Variants in BRINP3 observed in about 807,000 individuals in gnomAD.
BRINP3 encodes BMP/retinoic acid-inducible neural-specific protein 3.
In BRINP3, 19 loss-of-function variants were observed where a neutral mutation model predicts 71.0. The ratio of observed to expected loss-of-function variants is 0.27; its 90% CI spans 0.19 to 0.39. The LOEUF is 0.39. Ranked by LOEUF, BRINP3 falls within the 10% of genes least tolerant of loss-of-function variation. The pLI is 1.00. For synonymous variants in BRINP3, 380 were observed against 337.7 expected (o/e 1.13, Z -1.37); for missense variants, 959 against 940.8 (o/e 1.02, Z -0.25).
chr1:190,408,370 G>A (rs1026126556), intron 2 of BRINP3, among the ~76,000 whole-genome samples: 3 of 151,822 alleles, frequency 2.0e-5, no homozygotes, highest in African/African-American at 7.3e-5. Context: ...TAAATAAAAT[G>A]GTCTTGTTTC....
At chr1:190,430,718 T>C (rs956134528) in intron 2 of BRINP3, among the ~76,000 whole-genome samples, 1 of 152,194 alleles carries the variant, frequency 6.6e-6, no homozygotes, top group African/African-American at 2.4e-5. Context: ...GATCATCAGA[T>C]TCAAAAGCAG....
chr1:190,140,749 C>T (rs780158935), intron 7 of BRINP3, among the ~76,000 whole-genome samples: 7 of 152,010 alleles, frequency 4.6e-5, no homozygotes, highest in Admixed American at 3.3e-4. Flanking sequence ...TCAAGGATAC[C>T]AAAATTAGCA....
At chr1:190,332,117 C>T (rs1382789118) in intron 2 of BRINP3, among the ~76,000 whole-genome samples, 1 of 151,902 alleles carries the variant, frequency 6.6e-6, no homozygotes, top group Non-Finnish European at 1.5e-5. Flanking sequence ...TTATATATGC[C>T]TATTTTGTTC....
At chr1:190,388,403 G>A (rs552637897) in intron 2 of BRINP3, among the ~76,000 whole-genome samples, 1 of 151,788 alleles carries the variant, frequency 6.6e-6, no homozygotes, top group East Asian at 1.9e-4. Flanking sequence ...TAGAACAAAG[G>A]TCACACTGAA....
intron 2 of BRINP3, among the ~76,000 whole-genome samples, chr1:190,293,279 A>G (rs951859744): frequency 3.3e-5 from 5 of 152,026 alleles, no homozygotes; most frequent in East Asian, 3.9e-4. Context: ...TTATCAATAC[A>G]TAAGTCATTC....
In BRINP3 at chr1:190,476,830, G is replaced by A. The variant is rs937722857; in HGVS notation, c.-51+618C>T. Among the ~76,000 whole-genome samples the A allele has an allele frequency of 4.6e-5, 7 of 151,878 alleles. No homozygotes were observed. In the East Asian group the frequency reaches 9.7e-4, roughly 21 times the overall value. On this transcript the variant is annotated intron_variant, in intron 1 of 7. Coordinates refer to ENST00000367462, the MANE Select transcript of BRINP3 (RefSeq NM_199051.3). ...ATTAAAATACAATGCCTAAAATAAC[G>A]TGCTTATGTGTGATTTGAAATATTT...
intron 6 of BRINP3, among the ~76,000 whole-genome samples, chr1:190,168,791 A>G (rs1651773797): frequency 6.6e-6 from 1 of 152,216 alleles, no homozygotes; most frequent in African/African-American, 2.4e-5. Context: ...AAGCTTCAAC[A>G]TAGAGTCATT....
chr1:190,477,154 G>A (rs1222273303), intron 1 of BRINP3, among the ~76,000 whole-genome samples: 5 of 152,022 alleles, frequency 3.3e-5, no homozygotes, highest in Non-Finnish European at 7.4e-5. Flanking sequence ...GGGTTAATGG[G>A]GGTGGGGGCG....
intron 2 of BRINP3, among the ~76,000 whole-genome samples, chr1:190,398,510 A>G (rs931044803): frequency 3.3e-5 from 5 of 151,964 alleles, no homozygotes; most frequent in African/African-American, 1.2e-4. Flanking sequence ...TACGCATTCT[A>G]TAGGTCTGTA....
intron 2 of BRINP3, among the ~76,000 whole-genome samples, chr1:190,294,106 T>G (rs1223519794): frequency 1.3e-5 from 2 of 152,166 alleles, no homozygotes; most frequent in Non-Finnish European, 2.9e-5. Flanking sequence ...CTCTCTTCAC[T>G]TCTTACTGTT....
chr1:190,273,685 A>C (rs1390063365), intron 3 of BRINP3, among the ~76,000 whole-genome samples: 1 of 151,564 alleles, frequency 6.6e-6, no homozygotes, highest in Non-Finnish European at 1.5e-5. Flanking sequence ...CTGATCTTTA[A>C]ATCATCTATG....
At chr1:190,460,201 A>G (rs1348530446) in intron 1 of BRINP3, among the ~76,000 whole-genome samples, 1 of 151,378 alleles carries the variant, frequency 6.6e-6, no homozygotes, top group Non-Finnish European at 1.5e-5. Flanking sequence ...TTCAAATAAT[A>G]CGATACATAT....
intron 7 of BRINP3, among the ~76,000 whole-genome samples, chr1:190,105,424 T>C (rs1652066951): frequency 6.6e-6 from 1 of 151,952 alleles, no homozygotes; most frequent in South Asian, 2.1e-4. Context: ...TTAAAGATAA[T>C]ATTAGCTGAT....
chr1:190,392,404 C>T (rs913900899), intron 2 of BRINP3, among the ~76,000 whole-genome samples: 2 of 151,450 alleles, frequency 1.3e-5, no homozygotes, highest in Non-Finnish European at 3.0e-5. Flanking sequence ...TTCTACTTTA[C>T]TGATGAAAGA....
chr1:190,188,768 T>C (rs1170818746), intron 6 of BRINP3, among the ~76,000 whole-genome samples: 1 of 152,146 alleles, frequency 6.6e-6, no homozygotes, highest in Non-Finnish European at 1.5e-5. Flanking sequence ...GTATCTTTTT[T>C]TTTTTTCACA....
At chr1:190,296,086 C>T (rs1327011962) in intron 2 of BRINP3, among the ~76,000 whole-genome samples, 3 of 139,314 alleles carry the variant, frequency 2.2e-5, no homozygotes, top group Admixed American at 1.5e-4. Context: ...TGGGGGGGGG[C>T]TGGGCTTTTG....
At chr1:190,352,757 A>G (rs1266741224) in intron 2 of BRINP3, among the ~76,000 whole-genome samples, 1 of 151,900 alleles carries the variant, frequency 6.6e-6, no homozygotes, top group African/African-American at 2.4e-5. Flanking sequence ...ATACCTCACA[A>G]CAAAACCTAC....
chr1:190,422,360 A>G (rs1241207883), intron 2 of BRINP3, among the ~76,000 whole-genome samples: 1 of 151,904 alleles, frequency 6.6e-6, no homozygotes, highest in East Asian at 1.9e-4. Flanking sequence ...TAGAACTGAG[A>G]AGATCATATT....
In BRINP3 at chr1:190,274,623, A is replaced by T. The variant is rs1266097673; in HGVS notation, c.427+6937T>A. ...TTTTTTGGCAATGATAAGCCATATT[A>T]TTACTTGTGCTAAAGCCTTACAATA... is the stretch of plus-strand genomic sequence containing the variant. On this transcript the variant is annotated intron_variant, in intron 3 of 7. Transcript: ENST00000367462. Among the ~76,000 whole-genome samples, 12 of 151,790 alleles carry T rather than the reference A, an allele frequency of 7.9e-5. No individual in the cohort carries two copies. In the East Asian group the frequency reaches 2.1e-3, roughly 27 times the overall value.
Sources: gnomAD v4.1 joint callset for allele counts (sites outside exome capture counted in the v4.1 genomes callset) on GRCh38, gnomAD v4.1.1 for gene constraint, MANE v1.5 for transcripts, NCBI Gene and HGNC (gene_info 2026-07-23, HGNC 2026-07-21) for gene names.